Variants in GRIK1 observed in about 807,000 individuals in gnomAD.
The protein encoded by GRIK1 is glutamate ionotropic receptor kainate type subunit 1.
A neutral mutation model predicts 105.7 loss-of-function variants in GRIK1; 69 were observed. The ratio of observed to expected loss-of-function variants is 0.65; its 90% CI spans 0.54 to 0.80. GRIK1 has a LOEUF of 0.80. Ranked by LOEUF, GRIK1 falls within the 30% of genes least tolerant of loss-of-function variation. The pLI is 0.00. For synonymous variants in GRIK1, 438 were observed against 431.3 expected (o/e 1.02, Z -0.19); for missense variants, 1,109 against 1,167.3 (o/e 0.95, Z 0.73).
chr21:29,571,554 C>T (rs144266719), intron 14 of GRIK1, among the ~76,000 whole-genome samples: 145 of 152,232 alleles, frequency 9.5e-4, no homozygotes, highest in African/African-American at 3.3e-3. Flanking sequence ...AAAAAGTCAA[C>T]GGATTTTGAA....
intron 1 of GRIK1, among the ~76,000 whole-genome samples, chr21:29,777,228 A>C (rs909029220): frequency 2.0e-5 from 3 of 152,196 alleles, no homozygotes; most frequent in African/African-American, 7.2e-5. Context: ...GAAGTGGGTC[A>C]AACTTCAACC....
At chr21:29,784,276 A>C (rs2066201911) in intron 1 of GRIK1, among the ~76,000 whole-genome samples, 1 of 152,200 alleles carries the variant, frequency 6.6e-6, no homozygotes, top group Non-Finnish European at 1.5e-5. Flanking sequence ...AACCTTGTAC[A>C]AGCTTATTTT....
intron 7 of GRIK1, among the ~76,000 whole-genome samples, chr21:29,622,402 A>C (rs890761731): frequency 6.6e-6 from 1 of 152,236 alleles, no homozygotes; most frequent in Non-Finnish European, 1.5e-5. Flanking sequence ...TAAAATCTAC[A>C]TGGTTGAAAT....
chr21:29,580,346 T>G (rs2832402), intron 13 of GRIK1, among the ~76,000 whole-genome samples: 3,856 of 152,018 alleles, frequency 0.025, 162 homozygotes, highest in African/African-American at 0.087. Flanking sequence ...TCTAAATTTA[T>G]GCAAATTACT....
chr21:29,551,669 A>C (rs1056759190), intron 16 of GRIK1, among the ~76,000 whole-genome samples: 1 of 152,202 alleles, frequency 6.6e-6, no homozygotes, highest in Non-Finnish European at 1.5e-5. Context: ...CTTTATCCAA[A>C]TCTCTGAATT....
chr21:29,856,513 C>T (rs1350089115), intron 1 of GRIK1, among the ~76,000 whole-genome samples: 3 of 152,280 alleles, frequency 2.0e-5, no homozygotes, highest in Middle Eastern at 3.4e-3. Context: ...TCAGGCTGAT[C>T]CCAGTGCTGC....
chr21:29,643,171 ACT>A (rs1185965280), intron 6 of GRIK1, among the ~76,000 whole-genome samples: 1 of 151,866 alleles, frequency 6.6e-6, no homozygotes, highest in East Asian at 1.9e-4. Flanking sequence ...TGAAGTTATA[ACT>A]CTGCTTCGTT....
At chr21:29,638,987 G>A (rs1023980088) in intron 7 of GRIK1, among the ~76,000 whole-genome samples, 4 of 152,208 alleles carry the variant, frequency 2.6e-5, no homozygotes, top group African/African-American at 9.6e-5. Flanking sequence ...TGACAGCAAA[G>A]TGTGATGAAA....
chr21:29,805,009 T>A (rs982380720), intron 1 of GRIK1, among the ~76,000 whole-genome samples: 1 of 152,104 alleles, frequency 6.6e-6, no homozygotes, highest in African/African-American at 2.4e-5. Context: ...TGGACAACTT[T>A]GTTTGCCTAA....
chr21:29,703,643 G>A (rs1049825845), intron 1 of GRIK1, among the ~76,000 whole-genome samples: 7 of 152,186 alleles, frequency 4.6e-5, no homozygotes, highest in Admixed American at 4.6e-4. Context: ...AAGATCCCAT[G>A]CTAGATGGAT....
chr21:29,784,242 C>T (rs1211311530), intron 1 of GRIK1, among the ~76,000 whole-genome samples: 2 of 152,122 alleles, frequency 1.3e-5, no homozygotes, highest in African/African-American at 2.4e-5. Flanking sequence ...TAAACTTTTG[C>T]TGTTAAAAAA....
intron 1 of GRIK1, among the ~76,000 whole-genome samples, chr21:29,750,935 C>T (rs935632877): frequency 2.6e-5 from 4 of 151,968 alleles, no homozygotes; most frequent in Admixed American, 6.5e-5. Flanking sequence ...AAAGAGTCAG[C>T]GAAGGGAGAT....
chr21:29,916,323 T>G (rs561281306), intron 1 of GRIK1, among the ~76,000 whole-genome samples: 1 of 151,930 alleles, frequency 6.6e-6, no homozygotes, highest in East Asian at 1.9e-4. Flanking sequence ...AAATAAAAGA[T>G]AGCTTATTTT....
chr21:29,835,860 T>C (rs1288197779), intron 1 of GRIK1, among the ~76,000 whole-genome samples: 1 of 152,192 alleles, frequency 6.6e-6, no homozygotes, highest in Non-Finnish European at 1.5e-5. Context: ...AGCAATTGCT[T>C]GGTGATTTTG....
At chr21:29,887,206 A>G (rs1315283784) in intron 1 of GRIK1, among the ~76,000 whole-genome samples, 1 of 152,198 alleles carries the variant, frequency 6.6e-6, no homozygotes, top group Non-Finnish European at 1.5e-5. Context: ...CAGACTACAA[A>G]GTCATTGCCT....
rs1008113973 is a variant in GRIK1 at position 29,885,568 on chromosome 21, C to T, written c.118+53815G>A. On this transcript the variant is annotated intron_variant, in intron 1 of 17. Coordinates refer to ENST00000327783, the MANE Select transcript of GRIK1 (RefSeq NM_001330994.2). ...AGATATTGTCTTAGAAAACTTGCTT[C>T]AAAGGAAACATTAATGAAAAGGTAG... Among the ~76,000 whole-genome samples, 3 of 152,102 alleles carry T rather than the reference C, an allele frequency of 2.0e-5. No homozygotes were observed. In the East Asian group the frequency reaches 5.8e-4, roughly 29 times the overall value.
intron 1 of GRIK1, among the ~76,000 whole-genome samples, chr21:29,734,371 C>CTTTTCTTTTCTTTTCTTT (rs2146910284): frequency 3.0e-5 from 1 of 33,238 alleles, no homozygotes; most frequent in African/African-American, 6.9e-5. Context: ...CTTTTCTTTT[C>CTTTTCTTTTCTTTTCTTT]TTTTCTTTTC....
At position 29,752,792 on chromosome 21, in the gene GRIK1, G is replaced by A. The variant is rs148528551; in HGVS notation, c.119-58729C>T. On this transcript the variant is annotated intron_variant, in intron 1 of 17. Transcript: ENST00000327783. ...TTCAAGGCTACAGTGAACTAGGATC[G>A]TGCCACTGCACTCCAACTTTGGATG... Among the ~76,000 whole-genome samples, 17 of 152,328 alleles carry A rather than the reference G, an allele frequency of 1.1e-4. No individual in the cohort carries two copies. The East Asian group carries it at 1.9e-3, about 17-fold the overall frequency.
At chr21:29,638,013 A>G (rs998069135) in intron 7 of GRIK1, among the ~76,000 whole-genome samples, 1 of 152,190 alleles carries the variant, frequency 6.6e-6, no homozygotes, top group African/African-American at 2.4e-5. Context: ...CAATAATAAT[A>G]ATGATGACTC....
Sources: allele counts gnomAD v4.1 joint callset (sites outside exome capture counted in the v4.1 genomes callset), GRCh38; gene constraint gnomAD v4.1.1; transcripts MANE v1.5; gene names NCBI Gene and HGNC (gene_info 2026-07-23, HGNC 2026-07-21).